Variants in PPP2R5E observed in about 807,000 individuals in gnomAD.
PPP2R5E encodes the protein protein phosphatase 2 regulatory subunit B'epsilon, also known as serine/threonine-protein phosphatase 2A 56 kDa regulatory subunit epsilon isoform.
A neutral mutation model predicts 65.3 loss-of-function variants in PPP2R5E; 4 were observed. That is an observed-to-expected ratio of 0.06 (90% CI 0.03 to 0.14). PPP2R5E has a LOEUF of 0.14. Ranked by LOEUF, PPP2R5E falls within the 10% of genes least tolerant of loss-of-function variation. PPP2R5E has a pLI of 1.00. For synonymous variants in PPP2R5E, 183 were observed against 187.4 expected, an observed-to-expected ratio of 0.98 and a Z score of 0.19; for missense variants, 274 against 556.1, an observed-to-expected ratio of 0.49 and a Z score of 5.10.
Position 63,441,908 on chromosome 14 carries a change from T to TA in PPP2R5E, c.354+11780dup, listed in dbSNP as rs11291949. 4.9e-3 allele frequency among the ~76,000 whole-genome samples: 657 copies of TA among 133,630 alleles called. 4 individuals carry two copies. Among genetic ancestry groups the TA allele is most frequent in the African/African-American group, 9.6e-3 (356 of 37,162 alleles). 87.7% of individuals were successfully genotyped at this position (133,630 alleles called of 152,430 possible). A position where few individuals can be genotyped will look rare whatever the true frequency, so the allele number is the denominator to read the frequency against. ...CTGGGCCACAGAGCAAGACTCCGTC[T>TA]AAAAAAAAAAAAAAAAAATACACAG... On this transcript the variant is annotated intron_variant, in intron 3 of 13. Transcript: ENST00000337537.
chr14:63,376,624 T>C (rs377109502), intron 13 of PPP2R5E, among the ~76,000 whole-genome samples: 11 of 152,352 alleles, frequency 7.2e-5, no homozygotes, highest in South Asian at 4.1e-4. Context: ...TTTCAGACTT[T>C]GAGATTTCAC....
At chr14:63,467,379 T>C (rs1279502132) in intron 2 of PPP2R5E, among the ~76,000 whole-genome samples, 1 of 152,182 alleles carries the variant, frequency 6.6e-6, no homozygotes, top group African/African-American at 2.4e-5. Flanking sequence ...GCACAGCCTT[T>C]TTCTGAATTT....
At chr14:63,392,086 A>G (rs940421002) in intron 8 of PPP2R5E, 61 bp from the exon 9 acceptor site, 3 of 1,338,112 alleles carry the variant, frequency 2.2e-6, no homozygotes, top group Non-Finnish European at 3.1e-6. Context: ...GGCTCAAAAG[A>G]TACACTATTA....
chr14:63,485,509 G>T (rs1404761823), intron 2 of PPP2R5E, among the ~76,000 whole-genome samples: 1 of 152,174 alleles, frequency 6.6e-6, no homozygotes, highest in Non-Finnish European at 1.5e-5. Flanking sequence ...CTGCCTCCCA[G>T]GTTCAAGCGA....
intron 2 of PPP2R5E, among the ~76,000 whole-genome samples, chr14:63,517,925 G>A (rs1412267702): frequency 6.6e-6 from 1 of 152,050 alleles, no homozygotes; most frequent in African/African-American, 2.4e-5. Flanking sequence ...TTCTCTTAAT[G>A]AATTAATTCT....
chr14:63,415,320 G>T (rs1253466610), intron 4 of PPP2R5E, 88 bp from the exon 5 acceptor site: 3 of 845,958 alleles, frequency 3.5e-6, no homozygotes, highest in Non-Finnish European at 3.6e-6. Flanking sequence ...CACTAAAAGT[G>T]ACAGGGCTTA....
intron 5 of PPP2R5E, among the ~76,000 whole-genome samples, chr14:63,408,609 A>T (rs1886218328): frequency 6.6e-6 from 1 of 152,096 alleles, no homozygotes; most frequent in Non-Finnish European, 1.5e-5. Flanking sequence ...ATAACTCTAA[A>T]CGTTTCAAGT....
At chr14:63,388,718 C>A (rs1044566726) in intron 11 of PPP2R5E, among the ~76,000 whole-genome samples, 11 of 152,172 alleles carry the variant, frequency 7.2e-5, no homozygotes, top group African/African-American at 2.4e-4. Context: ...GAAATCAAAA[C>A]AACAGCAGCA....
intron 2 of PPP2R5E, among the ~76,000 whole-genome samples, chr14:63,474,509 AG>A (rs1311058627): frequency 1.3e-5 from 2 of 151,928 alleles, no homozygotes; most frequent in Non-Finnish European, 2.9e-5. Flanking sequence ...AGGTGGAGAT[AG>A]AAATGTGGGC....
intron 3 of PPP2R5E, among the ~76,000 whole-genome samples, chr14:63,430,719 TTTAA>T (rs1887628461): frequency 6.6e-6 from 1 of 152,204 alleles, no homozygotes; most frequent in African/African-American, 2.4e-5. Flanking sequence ...AAGCCGATAC[TTTAA>T]TTAGGAAACA....
chr14:63,492,049 C>A (rs1442429274), intron 2 of PPP2R5E, among the ~76,000 whole-genome samples: 2 of 151,974 alleles, frequency 1.3e-5, no homozygotes, highest in African/African-American at 4.8e-5. Context: ...ACTCCCTAGG[C>A]CCTGGAAGAG....
intron 5 of PPP2R5E, among the ~76,000 whole-genome samples, chr14:63,399,897 T>C (rs1040197244): frequency 2.0e-5 from 3 of 152,178 alleles, no homozygotes; most frequent in Non-Finnish European, 4.4e-5. Flanking sequence ...GATTTAGACA[T>C]GAGGTTGACA....
At chr14:63,504,681 C>T (rs1327288413) in intron 2 of PPP2R5E, among the ~76,000 whole-genome samples, 2 of 152,148 alleles carry the variant, frequency 1.3e-5, no homozygotes, top group Non-Finnish European at 2.9e-5. Context: ...ACAAGGCTTA[C>T]AGTCTAACTG....
intron 2 of PPP2R5E, among the ~76,000 whole-genome samples, chr14:63,509,267 C>CTTT (rs10553696): frequency 2.1e-4 from 23 of 108,052 alleles, no homozygotes; most frequent in South Asian, 5.9e-4. Flanking sequence ...TTAAAATATC[C>CTTT]TTTTTTTTTT....
At position 63,447,690 on chromosome 14, in the gene PPP2R5E, G is replaced by C. The variant is rs564465684; in HGVS notation, c.354+5999C>G. ...CTTTAAATTCACAACTTGTCTAATT[G>C]TCTGATGCAAGAGGCCTAGCTTTTG... On this transcript the variant is annotated intron_variant, in intron 3 of 13. Transcript: ENST00000337537. Among the ~76,000 whole-genome samples, 14 of 152,304 alleles carry C rather than the reference G, an allele frequency of 9.2e-5. No individual in the cohort carries two copies. In the East Asian group the frequency reaches 2.7e-3, roughly 29 times the overall value.
At chr14:63,465,411 C>T (rs887099206) in intron 2 of PPP2R5E, among the ~76,000 whole-genome samples, 6 of 138,938 alleles carry the variant, frequency 4.3e-5, no homozygotes, top group East Asian at 2.1e-4. Flanking sequence ...TCCAAGAGTT[C>T]GAGACCAGCC....
At chr14:63,384,391 A>T in intron 12 of PPP2R5E, 53 bp downstream of exon 12, 1 of 1,571,706 alleles carries the variant, frequency 6.4e-7, no homozygotes. Flanking sequence ...GGCTGAAGGG[A>T]AAGAAAGAGA....
intron 2 of PPP2R5E, among the ~76,000 whole-genome samples, chr14:63,497,353 C>G (rs909780687): frequency 6.6e-6 from 1 of 152,080 alleles, no homozygotes; most frequent in African/African-American, 2.4e-5. Flanking sequence ...CATCAAAAGG[C>G]CACAATTACT....
chr14:63,473,689 G>T (rs1890249048), intron 2 of PPP2R5E, among the ~76,000 whole-genome samples: 1 of 152,190 alleles, frequency 6.6e-6, no homozygotes, highest in Admixed American at 6.5e-5. Context: ...ATTGTAATTT[G>T]GTTTTGGTGT....
Sources: gnomAD v4.1 joint callset for allele counts (sites outside exome capture counted in the v4.1 genomes callset) on GRCh38, gnomAD v4.1.1 for gene constraint, MANE v1.5 for transcripts, NCBI Gene and HGNC (gene_info 2026-07-23, HGNC 2026-07-21) for gene names.